ZNF225: variants seen among roughly 807,000 people sequenced by gnomAD.
The protein encoded by ZNF225 is zinc finger protein 225.
In ZNF225, 6 loss-of-function variants were observed where a neutral mutation model predicts 12.0. The observed-to-expected ratio is 0.50, with a 90% CI of 0.27 to 0.98. The LOEUF (loss-of-function observed/expected upper bound fraction) is 0.98, where lower values mean the gene tolerates loss of function less well. Ranked by LOEUF, ZNF225 falls within the 50% of genes least tolerant of loss-of-function variation. The probability of loss-of-function intolerance (pLI) is 0.11; values close to 1 mark genes in which losing one functional copy is unlikely to be tolerated. For synonymous variants in ZNF225, 271 were observed against 283.2 expected (o/e 0.96, Z 0.43); for missense variants, 763 against 848.2 (o/e 0.90, Z 1.25).
chr19:44,131,288 T>C lies in ZNF225; in HGVS notation c.674T>C (p.Ile225Thr), dbSNP rs996736901. The C allele has an allele frequency of 1.2e-6, 2 of 1,614,196 alleles. No individual in the cohort carries two copies. Among genetic ancestry groups the C allele is most frequent in the Admixed American group, 1.7e-5 (1 of 60,026 alleles). Residue 225 changes from isoleucine (I) to threonine (T), a missense_variant, in exon 5 of 5, where the codon ATC (isoleucine) becomes ACC (threonine). Ile to Thr is a moderately conservative substitution (Grantham distance 89). Transcript: ENST00000262894. ...QSSHLQIHQR[I>T]HTGEKPFKCE... ...TCACATCTGCAAATTCATCAGAGAA[T>C]CCACACTGGAGAGAAACCATTCAAA...
chr19:44,132,916 C>T lies in ZNF225; in HGVS notation c.*181C>T. The stretch of plus-strand genomic sequence containing the variant: ...ATAATACGTTGTTAATTACTGTCAC[C>T]CTGTAGTGGTGTAAAACACTAGAAC... On this transcript the variant is annotated 3_prime_UTR_variant, in exon 5 of 5. Transcript: ENST00000262894. The T allele has an allele frequency of 3.6e-6, 2 of 558,258 alleles. No homozygotes were observed. Among genetic ancestry groups the T allele is most frequent in the East Asian group, 3.3e-5 (1 of 30,028 alleles). The allele number at this position is 558,258 out of a possible 1,614,324, so 34.6% of individuals were successfully genotyped here. A position where few individuals can be genotyped will look rare whatever the true frequency, so the allele number is the denominator to read the frequency against.
chr19:44,111,626 G>A (rs1210367497), upstream of ZNF225, among the ~76,000 whole-genome samples: 1 of 152,176 alleles, frequency 6.6e-6, no homozygotes, highest in African/African-American at 2.4e-5. Context: ...AAGGAATGAA[G>A]TACTGATACG....
At position 44,131,565 on chromosome 19, in the gene ZNF225, A is replaced by T; in HGVS notation, c.951A>T (p.Arg317Ser). 1 of 1,614,204 alleles carries T rather than the reference A, an allele frequency of 6.2e-7. No individual in the cohort carries two copies. The highest frequency in any genetic ancestry group is 8.5e-7 in the Non-Finnish European group (1 of 1,180,034). ...TTCACATGCGAGAGAAACCATTCAG[A>T]TGTGATACATGTGGTAAGAGCTTTG... is the stretch of plus-strand genomic sequence containing the variant. ...SMVHMREKPF[R>S]CDTCGKSFGL... The change falls in exon 5 of 5, where the codon AGA (arginine) becomes AGT (serine). Residue 317 changes from arginine to serine, a missense_variant. Physicochemically the swap from Arg to Ser is moderately radical, Grantham distance 110. Transcript: ENST00000262894.
At chr19:44,125,105 T>G (rs1371719982) in intron 4 of ZNF225, among the ~76,000 whole-genome samples, 1 of 152,236 alleles carries the variant, frequency 6.6e-6, no homozygotes, top group African/African-American at 2.4e-5. Context: ...GTTTTTGCTT[T>G]TTAATATGTG....
intron 4 of ZNF225, among the ~76,000 whole-genome samples, chr19:44,125,406 G>T (rs781075244): frequency 2.0e-5 from 3 of 152,214 alleles, no homozygotes; most frequent in Non-Finnish European, 4.4e-5. Flanking sequence ...GGAATCTGCT[G>T]TTAATCTGAT....
At chr19:44,115,643 T>A (rs1967927934) in intron 1 of ZNF225, 117 bp from the exon 2 acceptor site, 1 of 530,662 alleles carries the variant, frequency 1.9e-6, no homozygotes, top group Admixed American at 3.6e-5. Context: ...TGGGTTACTA[T>A]GAATGATGCT....
rs534473673 is a variant in ZNF225, at chr19:44,119,017, C to T, written c.235+443C>T. Among the ~76,000 whole-genome samples, 38 of 152,190 alleles carry T rather than the reference C, an allele frequency of 2.5e-4. No homozygotes were observed. In the South Asian group the frequency reaches 5.0e-3, roughly 20 times the overall value. On this transcript the variant is annotated intron_variant, in intron 4 of 4. Coordinates refer to ENST00000262894, the MANE Select transcript of ZNF225 (RefSeq NM_013362.4). ...ATTTTTAGTAGAGACGGGGTTTCAC[C>T]GTGTTAGCCAGGATGGTCTCGATCT...
At position 44,133,962 on chromosome 19, in the gene ZNF225, T is replaced by C. The variant is rs780216938; in HGVS notation, c.*1227T>C. ...TGTTCTAGACTGTATCTTTTCAGGA[T>C]GCTAGGTACTTTATGAAGATCCATG... On this transcript the variant is annotated 3_prime_UTR_variant, in exon 5 of 5. Coordinates refer to ENST00000262894, the MANE Select transcript of ZNF225 (RefSeq NM_013362.4). 1 of 152,102 alleles carries C rather than the reference T, an allele frequency of 6.6e-6. No individual in the cohort carries two copies. The highest frequency in any genetic ancestry group is 2.4e-5 in the African/African-American group (1 of 41,394). 9.4% of individuals were successfully genotyped at this position (152,102 alleles called of 1,614,324 possible).
In ZNF225 at chr19:44,132,232, T is replaced by C. The variant is rs1186245541; in HGVS notation, c.1618T>C (p.Tyr540His). Reference sequence around the variant, plus strand: ...CAGAGTCCACACTGGAGTAAAGCCATACAAATGTGAAGAGTGTGGGAAGGG... The same window carrying C: ...CAGAGTCCACACTGGAGTAAAGCCACACAAATGTGAAGAGTGTGGGAAGGG... ...HRRVHTGVKP[Y>H]KCEECGKGFN... The change falls in exon 5 of 5, where the codon TAC becomes CAC. Residue 540 changes from tyrosine to histidine, a missense_variant. Coordinates refer to ENST00000262894, the MANE Select transcript of ZNF225 (RefSeq NM_013362.4). 6.2e-6 allele frequency: 10 copies of C among 1,613,952 alleles called. No homozygotes were observed. In the Admixed American group the frequency reaches 1.0e-4, roughly 16 times the overall value.
In ZNF225 at chr19:44,130,913, G is replaced by A. The variant is rs1471020688; in HGVS notation, c.299G>A (p.Ser100Asn). ...TCAGGAACACATGAAGGCTTGTTCAGTCATCAAACCTGGGAACAAATTTCA... is the reference window on the plus strand; with the variant it reads ...TCAGGAACACATGAAGGCTTGTTCAATCATCAAACCTGGGAACAAATTTCA... ...SESGTHEGLFSHQTWEQISSD... is the reference protein window; with the variant it reads ...SESGTHEGLFNHQTWEQISSD... The change falls in exon 5 of 5, where the codon AGT (serine) becomes AAT (asparagine). Residue 100 changes from serine (S) to asparagine (N), a missense_variant. Transcript: ENST00000262894. 3 of 1,614,072 alleles carry A rather than the reference G, an allele frequency of 1.9e-6. No homozygotes were observed. Among genetic ancestry groups the A allele is most frequent in the East Asian group, 2.2e-5 (1 of 44,862 alleles).
chr19:44,113,736 C>T (rs755808734), intron 1 of ZNF225, among the ~76,000 whole-genome samples, 167 bp downstream of exon 1: 3 of 152,020 alleles, frequency 2.0e-5, no homozygotes, highest in Non-Finnish European at 4.4e-5. Flanking sequence ...CTGCACCCCA[C>T]GCGCGTGGCC....
intron 1 of ZNF225, chr19:44,114,181 G>A: frequency 1.9e-6 from 2 of 1,033,254 alleles, no homozygotes; most frequent in South Asian, 1.3e-5. Flanking sequence ...GCTGCAGGGA[G>A]GGACTTCTTG....
intron 4 of ZNF225, 190 bp from the exon 5 acceptor site, chr19:44,130,660 C>T (rs992308390): frequency 2.8e-6 from 1 of 362,780 alleles, no homozygotes; most frequent in African/African-American, 2.5e-5. Flanking sequence ...GAGATCACGC[C>T]ACTGCACTCC....
chr19:44,126,955 A>G (rs1019419677), intron 4 of ZNF225, among the ~76,000 whole-genome samples: 1 of 152,196 alleles, frequency 6.6e-6, no homozygotes, highest in African/African-American at 2.4e-5. Flanking sequence ...ACCTTGCCCC[A>G]GGCTACCACC....
intron 4 of ZNF225, among the ~76,000 whole-genome samples, chr19:44,124,343 G>T (rs1259875221): frequency 6.6e-6 from 1 of 152,126 alleles, no homozygotes; most frequent in African/African-American, 2.4e-5. Context: ...TCTTGGAGTT[G>T]ATTTCCAGTT....
chr19:44,132,313 CCTT>C lies in ZNF225; in HGVS notation c.1700_1702del (p.Pro567_Tyr568delinsHis), dbSNP rs747456704. The C allele has an allele frequency of 3.1e-6, 5 of 1,613,916 alleles. No individual in the cohort carries two copies. The highest frequency in any genetic ancestry group is 1.7e-5 in the Admixed American group (1 of 60,004). The stretch of plus-strand genomic sequence containing the variant: ...CCAGAGGGTCCACACCGGAGAGAGA[CCTT>C]ATAATTGTAAAGAATGTGGGAAGAG... On this transcript the variant is annotated inframe_deletion, in exon 5 of 5. Transcript: ENST00000262894.
intron 4 of ZNF225, among the ~76,000 whole-genome samples, chr19:44,119,102 C>A (rs1458178093): frequency 6.6e-6 from 1 of 152,176 alleles, no homozygotes; most frequent in Non-Finnish European, 1.5e-5. Context: ...AGGCGTGAGC[C>A]ACCGCGCCCG....
chr19:44,112,450 C>A (rs1003809129), upstream of ZNF225, among the ~76,000 whole-genome samples: 2 of 152,312 alleles, frequency 1.3e-5, no homozygotes, highest in East Asian at 3.9e-4. Context: ...TATATATTAA[C>A]AACACTGTAT....
chr19:44,118,990 G>A (rs1968001072), intron 4 of ZNF225, among the ~76,000 whole-genome samples: 1 of 152,076 alleles, frequency 6.6e-6, no homozygotes, highest in African/African-American at 2.4e-5. Context: ...CTAATTTTTT[G>A]TATTTTTAGT....
Sources: allele counts gnomAD v4.1 joint callset (sites outside exome capture counted in the v4.1 genomes callset), GRCh38; gene constraint gnomAD v4.1.1; transcripts MANE v1.5; gene names NCBI Gene and HGNC (gene_info 2026-07-23, HGNC 2026-07-21).